Variants in ZBTB25 observed in about 807,000 individuals in gnomAD.
ZBTB25 encodes zinc finger and BTB domain-containing protein 25.
A neutral mutation model predicts 34.2 loss-of-function variants in ZBTB25; 20 were observed. The observed-to-expected ratio is 0.58, with a 90% CI of 0.41 to 0.85. The LOEUF (loss-of-function observed/expected upper bound fraction) is 0.85, where lower values mean the gene tolerates loss of function less well. Among genes scored for constraint, ZBTB25 ranks in the 40% least tolerant of loss-of-function variants. The pLI is 0.00. For synonymous variants in ZBTB25, 175 were observed against 186.4 expected (o/e 0.94, Z 0.50); for missense variants, 437 against 521.8 (o/e 0.84, Z 1.58).
rs28827477 is a variant in ZBTB25 at position 64,479,792 on chromosome 14, T to C, written c.*7131A>G. ...TGGTTCTCAGGTCTTCAAATTCAGA[T>C]TGGAACATCACTGACTCCCCAGCCT... On this transcript the variant is annotated 3_prime_UTR_variant, in exon 3 of 3. Coordinates refer to ENST00000608382, the MANE Select transcript of ZBTB25 (RefSeq NM_006977.5). 0.26 allele frequency: 39,573 copies of C among 152,390 alleles called. 5,399 individuals carry two copies. Among genetic ancestry groups the C allele is most frequent in the East Asian group, 0.41 (2,137 of 5,156 alleles). 9.4% of individuals were successfully genotyped at this position (152,390 alleles called of 1,614,324 possible).
chr14:64,489,618 C>CTG (rs2079003865), intron 2 of ZBTB25, among the ~76,000 whole-genome samples: 1 of 151,372 alleles, frequency 6.6e-6, no homozygotes, highest in Non-Finnish European at 1.5e-5. Context: ...TCACTGCAAC[C>CTG]TTCACCTCAT....
upstream of ZBTB25, chr14:64,504,200 G>T (rs1391789387): frequency 6.6e-6 from 1 of 152,450 alleles, no homozygotes. Context: ...ACTGGGCGAG[G>T]TGGGGCATGG....
downstream of ZBTB25, among the ~76,000 whole-genome samples, chr14:64,477,247 C>T (rs2078728189): frequency 6.6e-6 from 1 of 152,224 alleles, no homozygotes; most frequent in African/African-American, 2.4e-5. Flanking sequence ...CTGGGAGAAG[C>T]CTTCATTCAA....
chr14:64,474,758 G>A (rs1428398374), downstream of ZBTB25, among the ~76,000 whole-genome samples: 3 of 152,184 alleles, frequency 2.0e-5, no homozygotes, highest in East Asian at 3.8e-4. Flanking sequence ...TTTGACAAAA[G>A]CACACTGTTT....
chr14:64,503,262 C>T, intron 1 of ZBTB25: 1 of 985,456 alleles, frequency 1.0e-6, no homozygotes, highest in Non-Finnish European at 1.2e-6. Flanking sequence ...CAGCGTCCTC[C>T]CAGCATCTGG....
At chr14:64,502,650 G>A (rs1794829985) in intron 1 of ZBTB25, 2 of 985,274 alleles carry the variant, frequency 2.0e-6, no homozygotes, top group African/African-American at 1.7e-5. Flanking sequence ...TATATATAAT[G>A]ACCTCCGCCG....
chr14:64,489,276 A>C (rs915067645), intron 2 of ZBTB25, among the ~76,000 whole-genome samples: 1 of 144,732 alleles, frequency 6.9e-6, no homozygotes, highest in Middle Eastern at 3.4e-3. Context: ...TCTCAAAAAA[A>C]ATAAAAATAA....
chr14:64,453,474 G>A (rs2078411431), intron 2 of ZBTB25, among the ~76,000 whole-genome samples: 1 of 152,158 alleles, frequency 6.6e-6, no homozygotes, highest in Admixed American at 6.5e-5. Flanking sequence ...GGGAGGCTGA[G>A]GCAGGAGAAT....
At chr14:64,465,176 T>C (rs933706804) in intron 2 of ZBTB25, among the ~76,000 whole-genome samples, 2 of 152,162 alleles carry the variant, frequency 1.3e-5, no homozygotes, top group East Asian at 1.9e-4. Flanking sequence ...CCTCACTATT[T>C]AGCGTCTCAG....
chr14:64,493,619 A>G (rs1178425082), intron 1 of ZBTB25, among the ~76,000 whole-genome samples: 6 of 152,182 alleles, frequency 3.9e-5, no homozygotes, highest in Non-Finnish European at 8.8e-5. Context: ...AAGGAATACA[A>G]GAGATACATC....
intron 2 of ZBTB25, chr14:64,468,849 T>C (rs375003843): frequency 1.1e-5 from 17 of 1,614,096 alleles, no homozygotes; most frequent in Non-Finnish European, 1.4e-5. Context: ...GACTGCAGCA[T>C]CAAAGTCCAG....
At chr14:64,453,791 A>C in intron 2 of ZBTB25, 1 of 1,612,964 alleles carries the variant, frequency 6.2e-7, no homozygotes, top group Non-Finnish European at 8.5e-7. Context: ...ATTGCACAGA[A>C]GATCTATGGA....
chr14:64,474,628 T>C (rs2078703568), downstream of ZBTB25: 1 of 159,922 alleles, frequency 6.3e-6, no homozygotes, highest in African/African-American at 2.4e-5. Context: ...AATTGGGAAT[T>C]GGACAGAGAT....
intron 2 of ZBTB25, chr14:64,461,834 T>G (rs1239997102): frequency 2.0e-5 from 3 of 152,256 alleles, no homozygotes; most frequent in Non-Finnish European, 4.4e-5. Context: ...TGGCCTCAAG[T>G]GATCCTCCCA....
At chr14:64,449,775 T>G in intron 2 of ZBTB25, 1 of 873,270 alleles carries the variant, frequency 1.1e-6, no homozygotes, top group Non-Finnish European at 1.8e-6. Flanking sequence ...CAGCCTGGAC[T>G]CCCAGCTGTA....
At chr14:64,469,476 A>C in intron 2 of ZBTB25, 1 of 1,613,162 alleles carries the variant, frequency 6.2e-7, no homozygotes, top group Non-Finnish European at 8.5e-7. Context: ...GTCCCTAAGC[A>C]ATTCTTAATT....
At chr14:64,466,292 T>C (rs1283402898) in intron 2 of ZBTB25, among the ~76,000 whole-genome samples, 1 of 152,266 alleles carries the variant, frequency 6.6e-6, no homozygotes, top group Non-Finnish European at 1.5e-5. Flanking sequence ...CAGACTGCAT[T>C]ATTTTCCCTC....
Position 64,449,241 on chromosome 14 carries a change from G to A in ZBTB25, c.*310C>T, listed in dbSNP as rs1325149455. Reference sequence around the variant, plus strand: ...TGATTATTCGCGTATTACCAGGGTGGAAATTGAGGCACATAAAGATTAGGT... The same window carrying A: ...TGATTATTCGCGTATTACCAGGGTGAAAATTGAGGCACATAAAGATTAGGT... On this transcript the variant is annotated 3_prime_UTR_variant, in exon 3 of 3. Coordinates refer to the ZBTB25 transcript ENST00000555220. 2.2e-5 allele frequency: 14 copies of A among 636,560 alleles called. No homozygotes were observed. In the Admixed American group the frequency reaches 3.2e-4, roughly 15 times the overall value. The allele number at this position is 636,560 out of a possible 1,614,324, so 39.4% of individuals were successfully genotyped here. A position where few individuals can be genotyped will look rare whatever the true frequency, so the allele number is the denominator to read the frequency against.
At chr14:64,459,247 G>T (rs1023201538) in intron 2 of ZBTB25, among the ~76,000 whole-genome samples, 1 of 152,178 alleles carries the variant, frequency 6.6e-6, no homozygotes, top group South Asian at 2.1e-4. Context: ...AAAGGAAGAC[G>T]TGAGTTTTGG....
Sources: allele counts gnomAD v4.1 joint callset (sites outside exome capture counted in the v4.1 genomes callset), GRCh38; gene constraint gnomAD v4.1.1; transcripts MANE v1.5; gene names NCBI Gene and HGNC (gene_info 2026-07-23, HGNC 2026-07-21).